Variants in EPHA6 observed in about 807,000 individuals in gnomAD.
The protein encoded by EPHA6 is ephrin type-A receptor 6.
Under a neutral mutation model 112.0 loss-of-function variants are expected in EPHA6, and 50 were observed. The observed-to-expected ratio is 0.45, with a 90% CI of 0.36 to 0.56. The LOEUF is 0.56. Ranked by LOEUF, EPHA6 falls within the 20% of genes least tolerant of loss-of-function variation. The pLI is 0.00. For synonymous variants in EPHA6, 529 were observed against 490.7 expected (o/e 1.08, Z -1.03); for missense variants, 1,280 against 1,417.4 (o/e 0.90, Z 1.56).
chr3:96,842,882 T>G (rs2034835265), intron 1 of EPHA6, among the ~76,000 whole-genome samples: 1 of 152,106 alleles, frequency 6.6e-6, no homozygotes, highest in Non-Finnish European at 1.5e-5. Context: ...GATGGCTGTT[T>G]ACTCTTGATG....
chr3:96,949,725 C>G (rs2041445691), intron 2 of EPHA6, among the ~76,000 whole-genome samples: 1 of 152,040 alleles, frequency 6.6e-6, no homozygotes, highest in African/African-American at 2.4e-5. Flanking sequence ...ATTTCTCTAA[C>G]TTCTATTTAA....
chr3:97,641,818 A>G (rs2094008324), intron 14 of EPHA6, among the ~76,000 whole-genome samples: 1 of 152,156 alleles, frequency 6.6e-6, no homozygotes, highest in African/African-American at 2.4e-5. Context: ...GATTGCTAGC[A>G]CAGCAGTCTG....
intron 6 of EPHA6, 74 bp downstream of exon 6, chr3:97,405,348 T>C: frequency 3.9e-6 from 5 of 1,297,026 alleles, no homozygotes; most frequent in South Asian, 1.5e-5. Flanking sequence ...CATGTCGTTA[T>C]ACTATATTAT....
intron 7 of EPHA6, among the ~76,000 whole-genome samples, chr3:97,473,396 A>G (rs1386878658): frequency 2.0e-5 from 3 of 151,828 alleles, no homozygotes; most frequent in Non-Finnish European, 4.4e-5. Flanking sequence ...ACATATTTGT[A>G]GAATTAGCAG....
At chr3:97,557,210 A>T (rs1577768137) in intron 11 of EPHA6, among the ~76,000 whole-genome samples, 2 of 152,028 alleles carry the variant, frequency 1.3e-5, no homozygotes, top group East Asian at 3.9e-4. Context: ...TGTTGTAGCA[A>T]TTTAGAATTC....
chr3:97,189,028 T>G (rs2077230833), intron 3 of EPHA6, among the ~76,000 whole-genome samples: 1 of 151,854 alleles, frequency 6.6e-6, no homozygotes, highest in Non-Finnish European at 1.5e-5. Context: ...ATTGAAAGAG[T>G]TGATCATTGA....
rs142500351 is a variant in EPHA6 at position 97,492,437 on chromosome 3, A to C, written c.2200+8378A>C. On this transcript the variant is annotated intron_variant, in intron 10 of 17. Coordinates refer to ENST00000389672, the MANE Select transcript of EPHA6 (RefSeq NM_001080448.3). ...GGCACCTGTAATCCCAACTACTCAG[A>C]AGGCTGAGGCAGGAGAATCTCTAGA... is the stretch of plus-strand genomic sequence containing the variant. Among the ~76,000 whole-genome samples the C allele has an allele frequency of 5.5e-3, 829 of 150,992 alleles. 11 individuals are homozygous for C. The highest frequency in any genetic ancestry group is 0.019 in the African/African-American group (797 of 41,152).
At position 96,824,310 on chromosome 3, in the gene EPHA6, A is replaced by C. The variant is rs34030973; in HGVS notation, c.385+9302A>C. ...TATATATATATTTTAAATGCTACCAAGCCTTAAAATCAGATAAAATTTTAA... is the reference window on the plus strand; with the variant it reads ...TATATATATATTTTAAATGCTACCACGCCTTAAAATCAGATAAAATTTTAA... On this transcript the variant is annotated intron_variant, in intron 1 of 17. Coordinates refer to ENST00000389672, the MANE Select transcript of EPHA6 (RefSeq NM_001080448.3). Among the ~76,000 whole-genome samples the C allele has an allele frequency of 8.9e-3, 1,357 of 151,974 alleles. 6 individuals carry two copies. Among genetic ancestry groups the C allele is most frequent in the Non-Finnish European group, 0.015 (1,001 of 67,830 alleles).
At chr3:96,959,948 T>C (rs1222477598) in intron 2 of EPHA6, among the ~76,000 whole-genome samples, 2 of 152,020 alleles carry the variant, frequency 1.3e-5, no homozygotes, top group Admixed American at 1.3e-4. Context: ...ATTATAGGCA[T>C]AGCTGGAAAA....
At chr3:96,928,790 A>G (rs1453562597) in intron 2 of EPHA6, among the ~76,000 whole-genome samples, 8 of 152,072 alleles carry the variant, frequency 5.3e-5, no homozygotes, top group Non-Finnish European at 1.2e-4. Flanking sequence ...TGCTTTATGA[A>G]TCTGGGTGCT....
intron 14 of EPHA6, among the ~76,000 whole-genome samples, chr3:97,659,533 C>A (rs1163145706): frequency 6.6e-6 from 1 of 151,786 alleles, no homozygotes; most frequent in Non-Finnish European, 1.5e-5. Flanking sequence ...TATCAAATGT[C>A]CTATACTTCA....
At chr3:97,504,419 C>T (rs1257804319) in intron 10 of EPHA6, among the ~76,000 whole-genome samples, 1 of 152,190 alleles carries the variant, frequency 6.6e-6, no homozygotes, top group Non-Finnish European at 1.5e-5. Context: ...CCTAGCATCT[C>T]ATTTGCATAA....
chr3:96,862,275 A>G (rs1036975443), intron 1 of EPHA6, among the ~76,000 whole-genome samples: 2 of 151,892 alleles, frequency 1.3e-5, no homozygotes, highest in Non-Finnish European at 1.5e-5. Context: ...TGTTACAGTT[A>G]GTGGAACATA....
chr3:97,656,512 G>T (rs2094138589), intron 14 of EPHA6, among the ~76,000 whole-genome samples: 1 of 151,814 alleles, frequency 6.6e-6, no homozygotes, highest in South Asian at 2.1e-4. Flanking sequence ...CTTAAAGTGT[G>T]TGTTTAAAGA....
At chr3:97,420,551 G>A (rs2088534222) in intron 6 of EPHA6, among the ~76,000 whole-genome samples, 1 of 152,016 alleles carries the variant, frequency 6.6e-6, no homozygotes. Flanking sequence ...GGAATCAGTG[G>A]ATAAAAACTG....
chr3:96,973,796 G>C (rs2107791999), intron 2 of EPHA6, among the ~76,000 whole-genome samples: 1 of 145,472 alleles, frequency 6.9e-6, no homozygotes, highest in African/African-American at 2.5e-5. Context: ...CTGGTCTCCA[G>C]CCTGGGCGAC....
chr3:96,981,339 T>A (rs2042766177), intron 2 of EPHA6, among the ~76,000 whole-genome samples: 1 of 152,210 alleles, frequency 6.6e-6, no homozygotes, highest in Non-Finnish European at 1.5e-5. Flanking sequence ...TCTGTTTATG[T>A]GCTGGATTTC....
chr3:97,217,794 G>A (rs926940303), intron 3 of EPHA6, among the ~76,000 whole-genome samples: 2 of 152,160 alleles, frequency 1.3e-5, no homozygotes, highest in African/African-American at 4.8e-5. Flanking sequence ...GCAGTGGAAG[G>A]TGATTTTGGA....
At chr3:96,962,531 A>G (rs971676516) in intron 2 of EPHA6, among the ~76,000 whole-genome samples, 1 of 148,178 alleles carries the variant, frequency 6.7e-6, no homozygotes, top group African/African-American at 2.5e-5. Flanking sequence ...CTAACTAGAT[A>G]ACATTCTGAG....
Sources: gnomAD v4.1 joint callset for allele counts (sites outside exome capture counted in the v4.1 genomes callset) on GRCh38, gnomAD v4.1.1 for gene constraint, MANE v1.5 for transcripts, NCBI Gene and HGNC (gene_info 2026-07-23, HGNC 2026-07-21) for gene names.